PKNOX1: variants seen among roughly 807,000 people sequenced by gnomAD.
The protein encoded by PKNOX1 is homeobox protein PKNOX1.
In PKNOX1, 15 loss-of-function variants were observed where a neutral mutation model predicts 51.9. The observed-to-expected ratio is 0.29, with a 90% confidence interval of 0.19 to 0.45. PKNOX1 has a LOEUF of 0.45. Ranked by LOEUF, PKNOX1 falls within the 20% of genes least tolerant of loss-of-function variation. The pLI, the probability that PKNOX1 is intolerant of heterozygous loss-of-function variation, is 1.00. For missense variants in PKNOX1, 462 were observed against 547.5 expected (o/e 0.84, Z 1.56); for synonymous variants, 219 against 211.1 (o/e 1.04, Z -0.32).
At chr21:42,998,200 G>C (rs1162741238) in intron 1 of PKNOX1, among the ~76,000 whole-genome samples, 1 of 152,178 alleles carries the variant, frequency 6.6e-6, no homozygotes, top group Non-Finnish European at 1.5e-5. Flanking sequence ...GATGGCAGCA[G>C]GCAAAGAGAG....
At chr21:43,024,071 A>G (rs953707516) in intron 8 of PKNOX1, among the ~76,000 whole-genome samples, 2 of 152,134 alleles carry the variant, frequency 1.3e-5, no homozygotes, top group African/African-American at 4.8e-5. Flanking sequence ...TGTTTCAATC[A>G]TACATAAAAG....
At position 43,032,178 on chromosome 21, in the gene PKNOX1, C is replaced by T; in HGVS notation, c.*2077C>T. The T allele has an allele frequency of 2.2e-6, 1 of 456,124 alleles. No homozygotes were observed. The allele number at this position is 456,124 out of a possible 1,614,324, so 28.3% of individuals were successfully genotyped here. A position where few individuals can be genotyped will look rare whatever the true frequency, so the allele number is the denominator to read the frequency against. On this transcript the variant is annotated 3_prime_UTR_variant, in exon 11 of 11. Coordinates refer to ENST00000291547, the MANE Select transcript of PKNOX1 (RefSeq NM_004571.5). ...CCCGGCCGAGAATGACATCTTAAAGCCACCATTGCGTTCCTCATTTGTGAA... is the reference window on the plus strand; with the variant it reads ...CCCGGCCGAGAATGACATCTTAAAGTCACCATTGCGTTCCTCATTTGTGAA...
chr21:42,991,209 G>A (rs181553818), intron 1 of PKNOX1, among the ~76,000 whole-genome samples: 11 of 151,942 alleles, frequency 7.2e-5, no homozygotes, highest in Admixed American at 2.6e-4. Flanking sequence ...GAAAGCAGCC[G>A]AGCACTGTGA....
Position 43,021,209 on chromosome 21 carries a change from C to G in PKNOX1, c.721-94C>G. 1 of 1,031,108 alleles carries G rather than the reference C, an allele frequency of 9.7e-7. No homozygotes were observed. Among genetic ancestry groups the G allele is most frequent in the South Asian group, 1.6e-5 (1 of 62,152 alleles). 63.9% of individuals were successfully genotyped at this position (1,031,108 alleles called of 1,614,324 possible). ...GCCTCGACTACAATCATTTCCCTGTCCGATCCTTGGCTGTTTTCTCCACCT... is the reference window on the plus strand; with the variant it reads ...GCCTCGACTACAATCATTTCCCTGTGCGATCCTTGGCTGTTTTCTCCACCT... On this transcript the variant is annotated intron_variant, in intron 7 of 10. Coordinates refer to ENST00000291547, the MANE Select transcript of PKNOX1 (RefSeq NM_004571.5). This position sits in a 1 kb window ranked among gnomAD's most constrained non-coding sequence, Gnocchi z 4.6.
rs141241447 is a variant in PKNOX1 at position 43,017,979 on chromosome 21, G to A, written c.623-154G>A. 4.3e-3 allele frequency: 2,492 copies of A among 573,356 alleles called. 18 individuals are homozygous for A. Among genetic ancestry groups the A allele is most frequent in the South Asian group, 0.018 (822 of 45,778 alleles). The allele number at this position is 573,356 out of a possible 1,614,324, so 35.5% of individuals were successfully genotyped here. A position where few individuals can be genotyped will look rare whatever the true frequency, so the allele number is the denominator to read the frequency against. On this transcript the variant is annotated intron_variant, in intron 6 of 10. Coordinates refer to ENST00000291547, the MANE Select transcript of PKNOX1 (RefSeq NM_004571.5). ...AATTCCAGCACTTTGGGAGGCCAAGGCAGGAGGATCAGTTGAAGCCAGGAG... is the reference window on the plus strand; with the variant it reads ...AATTCCAGCACTTTGGGAGGCCAAGACAGGAGGATCAGTTGAAGCCAGGAG...
rs560164410 is a variant in PKNOX1 at position 43,033,860 on chromosome 21, A to G, written c.*3759A>G. The G allele has an allele frequency of 2.6e-5, 4 of 152,356 alleles. No homozygotes were observed. The South Asian group carries it at 8.3e-4, about 32-fold the overall frequency. 9.4% of individuals were successfully genotyped at this position (152,356 alleles called of 1,614,324 possible). ...TTTTATTATAGTTTTCCACAAATCT[A>G]ATTATTTTGATAGTTACAAGAAGAT... On this transcript the variant is annotated 3_prime_UTR_variant, in exon 11 of 11. Coordinates refer to ENST00000291547, the MANE Select transcript of PKNOX1 (RefSeq NM_004571.5).
intron 7 of PKNOX1, among the ~76,000 whole-genome samples, chr21:43,020,919 G>A (rs1979722971): frequency 6.6e-6 from 1 of 152,184 alleles, no homozygotes; most frequent in African/African-American, 2.4e-5. Context: ...GCCAGCCTGG[G>A]CAACAGGGCG....
intron 1 of PKNOX1, among the ~76,000 whole-genome samples, chr21:42,993,795 C>T (rs1978355146): frequency 7.0e-6 from 1 of 143,794 alleles, no homozygotes; most frequent in Admixed American, 7.4e-5. Context: ...TGCAGTGGTG[C>T]AGTCTGGGCT....
At chr21:42,999,479 CTTT>C (rs200452418) in intron 1 of PKNOX1, among the ~76,000 whole-genome samples, 1 of 111,294 alleles carries the variant, frequency 9.0e-6, no homozygotes, top group Non-Finnish European at 1.9e-5. Context: ...ATGGGATTTT[CTTT>C]TCTTTTTTTT....
At chr21:43,001,703 A>G (rs234762) in intron 1 of PKNOX1, among the ~76,000 whole-genome samples, 138,007 of 152,192 alleles carry the variant, frequency 0.91, 62,727 homozygotes, top group African/African-American at 0.94. Context: ...GCTCATGGCT[A>G]TAATCCCAGC....
At chr21:43,010,470 T>C (rs1387328505) in intron 4 of PKNOX1, among the ~76,000 whole-genome samples, 1 of 152,140 alleles carries the variant, frequency 6.6e-6, no homozygotes, top group Non-Finnish European at 1.5e-5. Context: ...CATCTTACTG[T>C]ATTCCCCCAG....
At chr21:42,996,573 A>G (rs1568893087) in intron 1 of PKNOX1, among the ~76,000 whole-genome samples, 1 of 151,760 alleles carries the variant, frequency 6.6e-6, no homozygotes, top group Non-Finnish European at 1.5e-5. Flanking sequence ...CAGTTCTCAT[A>G]AAGAATTGTC....
chr21:43,008,715 G>A (rs943186506), intron 3 of PKNOX1, among the ~76,000 whole-genome samples: 3 of 151,982 alleles, frequency 2.0e-5, no homozygotes, highest in Non-Finnish European at 4.4e-5. Flanking sequence ...GTAGGCGGAG[G>A]TTGCAGTGAG....
intron 5 of PKNOX1, 52 bp from the exon 6 acceptor site, chr21:43,016,856 T>C: frequency 8.2e-7 from 1 of 1,222,258 alleles, no homozygotes. Context: ...GTTTTAAACA[T>C]GGGTTTTCCG....
At chr21:42,989,622 T>C (rs967412481) in intron 1 of PKNOX1, among the ~76,000 whole-genome samples, 2 of 152,078 alleles carry the variant, frequency 1.3e-5, no homozygotes, top group East Asian at 1.9e-4. Flanking sequence ...TTTCACCACG[T>C]TGGCCAGGCT....
intron 1 of PKNOX1, among the ~76,000 whole-genome samples, chr21:42,994,672 A>G (rs1427508110): frequency 6.6e-6 from 1 of 152,038 alleles, no homozygotes; most frequent in Non-Finnish European, 1.5e-5. Flanking sequence ...ATTTGAAAGT[A>G]AGTTTTGGAT....
chr21:43,024,598 A>C (rs963332632), intron 8 of PKNOX1: 13 of 391,156 alleles, frequency 3.3e-5, no homozygotes, highest in African/African-American at 2.3e-4. Context: ...GCTGCTCCTC[A>C]TGATGTCGCT....
rs768614586 is a variant in PKNOX1 at position 43,010,101 on chromosome 21, A to G, written c.228A>G (p.Gln76=). Residue 76 remains glutamine (Q), a synonymous_variant, in exon 4 of 11, where the codon CAA becomes CAG. Transcript: ENST00000291547. ...LLALLFEKCE[Q]STQGSEGTTS... ...CTTTGTTGTTTGAAAAATGTGAACA[A>G]TCTACACAGGGCTCTGAAGGCACAA... 3.1e-6 allele frequency: 5 copies of G among 1,593,338 alleles called. No homozygotes were observed. The highest frequency in any genetic ancestry group is 4.3e-6 in the Non-Finnish European group (5 of 1,172,112).
At chr21:42,978,085 A>C (rs1170374233) in intron 1 of PKNOX1, among the ~76,000 whole-genome samples, 2 of 152,114 alleles carry the variant, frequency 1.3e-5, no homozygotes, top group Non-Finnish European at 2.9e-5. Flanking sequence ...GGCTCACTGC[A>C]ACCTCTGCCT....
Sources: gnomAD v4.1 joint callset for allele counts (sites outside exome capture counted in the v4.1 genomes callset) on GRCh38, gnomAD v4.1.1 for gene constraint, Gnocchi (gnomAD v3.1) non-coding constraint, MANE v1.5 for transcripts, NCBI Gene and HGNC (gene_info 2026-07-23, HGNC 2026-07-21) for gene names.